The following TP63 variants were observed in gnomAD, a reference collection of about 807,000 sequenced individuals.
TP63 encodes the protein tumor protein p63.
TP63 carries 17 observed loss-of-function variants against 82.8 expected under a neutral mutation model. The ratio of observed to expected loss-of-function variants is 0.21; its 90% CI spans 0.14 to 0.31. The LOEUF (loss-of-function observed/expected upper bound fraction) is 0.31, where lower values mean the gene tolerates loss of function less well. Among genes scored for constraint, TP63 ranks in the 10% least tolerant of loss-of-function variants. The pLI, the probability that TP63 is intolerant of heterozygous loss-of-function variation, is 1.00. For synonymous variants in TP63, 330 were observed against 321.7 expected, an observed-to-expected ratio of 1.03 and a Z score of -0.28; for missense variants, 648 against 895.3, an observed-to-expected ratio of 0.72 and a Z score of 3.52.
chr3:189,791,225 T>C (rs1725106358), intron 3 of TP63, among the ~76,000 whole-genome samples: 5 of 152,144 alleles, frequency 3.3e-5, no homozygotes, highest in African/African-American at 9.7e-5. Context: ...TCTTTATTCA[T>C]GAACTATTTC....
At chr3:189,771,553 T>C (rs1168772288) in intron 3 of TP63, among the ~76,000 whole-genome samples, 1 of 148,672 alleles carries the variant, frequency 6.7e-6, no homozygotes, top group Non-Finnish European at 1.5e-5. Context: ...ACTGATCAGC[T>C]GATTGGCCTT....
At chr3:189,880,633 A>G (rs1719811096) in intron 10 of TP63, 2 of 985,660 alleles carry the variant, frequency 2.0e-6, no homozygotes, top group African/African-American at 3.5e-5. Flanking sequence ...GTCTGTGCAT[A>G]AGTAAGTTGT....
chr3:189,833,757 A>G (rs1387631387), intron 4 of TP63, among the ~76,000 whole-genome samples: 1 of 152,098 alleles, frequency 6.6e-6, no homozygotes, highest in Non-Finnish European at 1.5e-5. Context: ...ACATTTAATT[A>G]AGACAGCGGT....
At chr3:189,629,595 A>G (rs1452431222), upstream of TP63, among the ~76,000 whole-genome samples, 2 of 152,136 alleles carry the variant, frequency 1.3e-5, no homozygotes, top group East Asian at 1.9e-4. Flanking sequence ...TCGCCACTCC[A>G]AAGTGTGGTC....
At chr3:189,823,373 A>G (rs1728995802) in intron 4 of TP63, among the ~76,000 whole-genome samples, 2 of 152,176 alleles carry the variant, frequency 1.3e-5, no homozygotes, top group East Asian at 1.9e-4. Flanking sequence ...AGATCGGTAT[A>G]TAAAGTAGAT....
intron 1 of TP63, among the ~76,000 whole-genome samples, chr3:189,641,773 C>G (rs147122316): frequency 6.6e-6 from 1 of 152,000 alleles, no homozygotes. Context: ...GTTCAATGGT[C>G]CAAATATTTA....
intron 3 of TP63, among the ~76,000 whole-genome samples, chr3:189,745,237 A>G (rs1721276516): frequency 6.6e-6 from 1 of 152,228 alleles, no homozygotes; most frequent in Admixed American, 6.5e-5. Context: ...TGACACCATC[A>G]AAGGAACACA....
chr3:189,799,486 G>A (rs775268644), intron 3 of TP63, among the ~76,000 whole-genome samples: 166 of 152,172 alleles, frequency 1.1e-3, no homozygotes, highest in Non-Finnish European at 2.0e-3. Context: ...AGGTGCATTC[G>A]AAACAAAACC....
intron 1 of TP63, among the ~76,000 whole-genome samples, chr3:189,684,952 T>G (rs73195978): frequency 0.096 from 14,645 of 152,122 alleles, 779 homozygotes; most frequent in East Asian, 0.24. Flanking sequence ...TTATATATTA[T>G]TTGTGTAATA....
At chr3:189,692,390 C>T (rs1415333793) in intron 1 of TP63, among the ~76,000 whole-genome samples, 3 of 151,390 alleles carry the variant, frequency 2.0e-5, no homozygotes, top group South Asian at 2.1e-4. Flanking sequence ...ATTTCCATCT[C>T]GTCTTCTTTC....
intron 4 of TP63, among the ~76,000 whole-genome samples, chr3:189,848,075 T>TC (rs1292911489): frequency 1.3e-5 from 2 of 152,190 alleles, no homozygotes; most frequent in African/African-American, 4.8e-5. Flanking sequence ...GTCAAGATGG[T>TC]CCCAGTTACT....
At chr3:189,620,943 T>C in the TP63 span, among the ~76,000 whole-genome samples, 1 of 152,250 alleles carries the variant, frequency 6.6e-6, no homozygotes, top group Admixed American at 6.5e-5. Flanking sequence ...TCATTCATCT[T>C]GGCATAATAT....
At position 189,895,261 on chromosome 3, in the gene TP63, G is replaced by A. The variant is rs1395004909; in HGVS notation, c.*759G>A. 6 of 220,788 alleles carry A rather than the reference G, an allele frequency of 2.7e-5. No homozygotes were observed. Among genetic ancestry groups the A allele is most frequent in the Middle Eastern group, 1.4e-3 (1 of 734 alleles). The allele number at this position is 220,788 out of a possible 1,614,324, so 13.7% of individuals were successfully genotyped here. On this transcript the variant is annotated 3_prime_UTR_variant, in exon 14 of 14. Transcript: ENST00000264731. ...TATAAGAAGAAGTTCATGTCCAAAC[G>A]TCCTCTTTAGTTTTTGGTTGGGAAT...
At chr3:189,855,889 T>C (rs1388186863) in intron 4 of TP63, among the ~76,000 whole-genome samples, 1 of 151,932 alleles carries the variant, frequency 6.6e-6, no homozygotes, top group Non-Finnish European at 1.5e-5. Flanking sequence ...TGGGGAGACG[T>C]TGACAAAAGT....
intron 1 of TP63, among the ~76,000 whole-genome samples, chr3:189,655,621 C>CAA (rs1170915225): frequency 6.9e-6 from 1 of 145,872 alleles, no homozygotes; most frequent in Non-Finnish European, 1.5e-5. Context: ...GACTCTGTCT[C>CAA]AAAAAAAAAG....
intron 3 of TP63, among the ~76,000 whole-genome samples, chr3:189,796,197 C>A (rs1443623526): frequency 2.0e-5 from 3 of 151,862 alleles, no homozygotes; most frequent in Non-Finnish European, 4.4e-5. Context: ...AAAGCCAACC[C>A]CACCAAATAA....
At chr3:189,837,736 T>C (rs1482806498) in intron 4 of TP63, among the ~76,000 whole-genome samples, 1 of 152,136 alleles carries the variant, frequency 6.6e-6, no homozygotes, top group East Asian at 1.9e-4. Context: ...CTGTGGCCAC[T>C]ACCTCTCAGG....
chr3:189,804,325 A>C (rs1410466829), intron 3 of TP63, among the ~76,000 whole-genome samples: 1 of 152,214 alleles, frequency 6.6e-6, no homozygotes. Context: ...GATATTATTC[A>C]CTTGACCTGG....
intron 1 of TP63, among the ~76,000 whole-genome samples, chr3:189,650,626 G>A (rs1712809444): frequency 6.8e-6 from 1 of 147,278 alleles, no homozygotes; most frequent in Admixed American, 6.7e-5. Context: ...ATTCTGCCAT[G>A]ATTGTAAGAG....
Sources: allele counts gnomAD v4.1 joint callset (sites outside exome capture counted in the v4.1 genomes callset), GRCh38; gene constraint gnomAD v4.1.1; transcripts MANE v1.5; gene names NCBI Gene and HGNC (gene_info 2026-07-23, HGNC 2026-07-21).